The following SAE1 variants were observed in gnomAD, a reference collection of about 807,000 sequenced individuals.
SAE1 encodes the protein SUMO1 activating enzyme subunit 1.
In SAE1, 11 loss-of-function variants were observed where a neutral mutation model predicts 40.6. The ratio of observed to expected loss-of-function variants is 0.27; its 90% CI spans 0.17 to 0.45. SAE1 has a LOEUF of 0.45. SAE1 is among the 20% of genes least tolerant of loss of function. The pLI is 1.00. For missense variants in SAE1, 373 were observed against 427.3 expected (o/e 0.87, Z 1.12); for synonymous variants, 155 against 154.3 (o/e 1.00, Z -0.03).
chr19:47,210,187 T>C lies in SAE1; in HGVS notation c.*936T>C, dbSNP rs2058706583. 6.6e-6 allele frequency: 1 copy of C among 152,210 alleles called. No individual in the cohort carries two copies. The allele number at this position is 152,210 out of a possible 1,614,324, so 9.4% of individuals were successfully genotyped here. ...GGAATGATAATAAAGTTACTTGCTTTAGGATTTGCTTGTTTTTCTTCCACT... is the reference window on the plus strand; with the variant it reads ...GGAATGATAATAAAGTTACTTGCTTCAGGATTTGCTTGTTTTTCTTCCACT... On this transcript the variant is annotated 3_prime_UTR_variant, in exon 9 of 9. Coordinates refer to ENST00000270225, the MANE Select transcript of SAE1 (RefSeq NM_005500.3).
chr19:47,165,192 C>A (rs995885981), intron 5 of SAE1, among the ~76,000 whole-genome samples: 5 of 143,718 alleles, frequency 3.5e-5, no homozygotes, highest in African/African-American at 1.3e-4. Context: ...TGGGTTCAAG[C>A]GATTCTCCTG....
intron 6 of SAE1, among the ~76,000 whole-genome samples, chr19:47,179,300 G>GT (rs1181319065): frequency 6.6e-6 from 1 of 151,894 alleles, no homozygotes; most frequent in Non-Finnish European, 1.5e-5. Context: ...GAGCTCAGAA[G>GT]TTTGAGACCA....
intron 2 of SAE1, among the ~76,000 whole-genome samples, chr19:47,144,970 T>C (rs2058246274): frequency 6.6e-6 from 1 of 151,590 alleles, no homozygotes; most frequent in African/African-American, 2.4e-5. Context: ...TAGCTGGGAT[T>C]ACAGGCACGC....
intron 5 of SAE1, among the ~76,000 whole-genome samples, chr19:47,169,551 G>C (rs530092469): frequency 6.6e-6 from 1 of 152,256 alleles, no homozygotes; most frequent in African/African-American, 2.4e-5. Context: ...GGCCCAGTGA[G>C]AGTTAAAGGG....
At chr19:47,189,922 T>A (rs552111059) in intron 6 of SAE1, among the ~76,000 whole-genome samples, 2 of 152,346 alleles carry the variant, frequency 1.3e-5, no homozygotes, top group African/African-American at 4.8e-5. Flanking sequence ...AGCGCTAACC[T>A]GATGTTATGA....
intron 1 of SAE1, among the ~76,000 whole-genome samples, chr19:47,139,233 G>A (rs776361254): frequency 2.2e-4 from 34 of 152,152 alleles, no homozygotes; most frequent in Non-Finnish European, 3.7e-4. Flanking sequence ...TAGTAGAGAC[G>A]GGGTTTCACC....
chr19:47,161,182 G>GT (rs11456095), intron 5 of SAE1, among the ~76,000 whole-genome samples: 101,784 of 137,358 alleles, frequency 0.74, 37,643 homozygotes, highest in Admixed American at 0.79. Context: ...ATTTTTTCGG[G>GT]TTTTTTTTTT....
chr19:47,186,650 C>A (rs553050232), intron 6 of SAE1, among the ~76,000 whole-genome samples: 1 of 152,246 alleles, frequency 6.6e-6, no homozygotes, highest in Non-Finnish European at 1.5e-5. Context: ...TTTTCCCCAT[C>A]AACAACTTTC....
At chr19:47,158,910 CATATT>C (rs749478662) in intron 5 of SAE1, among the ~76,000 whole-genome samples, 4 of 152,170 alleles carry the variant, frequency 2.6e-5, no homozygotes, top group Non-Finnish European at 5.9e-5. Context: ...GGTAACGTGA[CATATT>C]AGGAGGATGG....
chr19:47,138,972 C>G (rs1027880325), intron 1 of SAE1, among the ~76,000 whole-genome samples: 5 of 152,146 alleles, frequency 3.3e-5, no homozygotes, highest in Admixed American at 2.0e-4. Context: ...AAGAATGTGT[C>G]CCTTAAGAAG....
At chr19:47,155,377 G>GT (rs1318201139) in intron 5 of SAE1, among the ~76,000 whole-genome samples, 164 bp downstream of exon 5, 1 of 152,174 alleles carries the variant, frequency 6.6e-6, no homozygotes, top group African/African-American at 2.4e-5. Context: ...AGCTGTTGCT[G>GT]TGAGGGAATG....
rs773382952 is a variant in SAE1 at position 47,143,109 on chromosome 19, A to AT, written c.99-372dup. 3.6e-3 allele frequency among the ~76,000 whole-genome samples: 529 copies of AT among 145,490 alleles called. 2 individuals carry two copies. The highest frequency in any genetic ancestry group is 9.6e-3 in the African/African-American group (382 of 39,930). On this transcript the variant is annotated intron_variant, in intron 1 of 8. Coordinates refer to ENST00000270225, the MANE Select transcript of SAE1 (RefSeq NM_005500.3). ...CCTCAATGCAGTTAGAACCAAAATGATTTTTTTTTTTTTGAGACGGAGTCT... is the reference window on the plus strand; with the variant it reads ...CCTCAATGCAGTTAGAACCAAAATGATTTTTTTTTTTTTTGAGACGGAGTCT...
At position 47,209,413 on chromosome 19, in the gene SAE1, C is replaced by T; in HGVS notation, c.*162C>T. 2 of 1,240,778 alleles carry T rather than the reference C, an allele frequency of 1.6e-6. No individual in the cohort carries two copies. Among genetic ancestry groups the T allele is most frequent in the Admixed American group, 2.2e-5 (1 of 44,448 alleles). 76.9% of individuals were successfully genotyped at this position (1,240,778 alleles called of 1,614,324 possible). ...AGGAGGTGGTGCCGACGTGCTGCTT[C>T]CCATCACCAGCAGCTGCTCGACAAG... On this transcript the variant is annotated 3_prime_UTR_variant, in exon 9 of 9. Coordinates refer to ENST00000270225, the MANE Select transcript of SAE1 (RefSeq NM_005500.3).
chr19:47,138,061 G>C (rs1472209171), intron 1 of SAE1, among the ~76,000 whole-genome samples: 1 of 146,150 alleles, frequency 6.8e-6, no homozygotes. Flanking sequence ...TTATTTTTTT[G>C]AGACGGAATT....
chr19:47,186,839 C>T (rs2058547569), intron 6 of SAE1, among the ~76,000 whole-genome samples: 1 of 152,218 alleles, frequency 6.6e-6, no homozygotes, highest in African/African-American at 2.4e-5. Context: ...TCTTCATGGG[C>T]GGCCACTCCA....
chr19:47,141,268 C>T (rs1568585738), intron 1 of SAE1, among the ~76,000 whole-genome samples: 4 of 152,280 alleles, frequency 2.6e-5, no homozygotes, highest in African/African-American at 4.8e-5. Context: ...TCCCAAAGTG[C>T]TGGGATTACA....
At chr19:47,160,975 G>A (rs2058356287) in intron 5 of SAE1, among the ~76,000 whole-genome samples, 1 of 152,052 alleles carries the variant, frequency 6.6e-6, no homozygotes, top group South Asian at 2.1e-4. Flanking sequence ...GCTAATGTTA[G>A]CTTATCTCTG....
intron 6 of SAE1, among the ~76,000 whole-genome samples, chr19:47,187,337 C>T (rs912584772): frequency 1.3e-5 from 2 of 152,138 alleles, no homozygotes; most frequent in Non-Finnish European, 2.9e-5. Flanking sequence ...ATTGGGTTTC[C>T]CTGTTGAGGA....
At chr19:47,163,058 A>C (rs1005721352) in intron 5 of SAE1, among the ~76,000 whole-genome samples, 1 of 152,166 alleles carries the variant, frequency 6.6e-6, no homozygotes, top group African/African-American at 2.4e-5. Context: ...AGAACAAGTT[A>C]ATGAAATGTT....
Sources: gnomAD v4.1 joint callset for allele counts (sites outside exome capture counted in the v4.1 genomes callset) on GRCh38, gnomAD v4.1.1 for gene constraint, MANE v1.5 for transcripts, NCBI Gene and HGNC (gene_info 2026-07-23, HGNC 2026-07-21) for gene names.